CCDC125: variants seen among roughly 807,000 people sequenced by gnomAD.
CCDC125 encodes the protein coiled-coil domain containing 125, also known as coiled-coil domain-containing protein 125.
In CCDC125, 43 loss-of-function variants were observed where a neutral mutation model predicts 57.4. That is an observed-to-expected ratio of 0.75 (90% CI 0.59 to 0.97). The LOEUF (loss-of-function observed/expected upper bound fraction) is 0.97. Among genes scored for constraint, CCDC125 ranks in the 50% least tolerant of loss-of-function variants. CCDC125 has a pLI of 0.00. For synonymous variants in CCDC125, 187 were observed against 195.2 expected (o/e 0.96, Z 0.35); for missense variants, 563 against 595.7 (o/e 0.95, Z 0.57).
At position 69,285,431 on chromosome 5, in the gene CCDC125, T is replaced by G. The variant is rs762914541; in HGVS notation, c.1136A>C (p.Gln379Pro). The G allele has an allele frequency of 1.7e-5, 28 of 1,608,158 alleles. No individual in the cohort carries two copies. The highest frequency in any genetic ancestry group is 6.8e-6 in the Non-Finnish European group (8 of 1,178,236). Reference sequence around the variant, plus strand: ...TGAAGGGAGCATACCCAACAGTCTCTGCCCGAAGGTCTTCTTACTCCTTGG... The same window carrying G: ...TGAAGGGAGCATACCCAACAGTCTCGGCCCGAAGGTCTTCTTACTCCTTGG... ...PSPRSKKTFG[Q>P]RLLGMLPSEN... The change falls in exon 11 of 12, where the codon CAG (glutamine) becomes CCG (proline). Residue 379 changes from glutamine (Q) to proline (P), a missense_variant. Transcript: ENST00000396496.
rs1752487074 is a variant in CCDC125 at position 69,281,662 on chromosome 5, G to A, written c.*1067C>T. 6.6e-6 allele frequency: 1 copy of A among 152,034 alleles called. No homozygotes were observed. The highest frequency in any genetic ancestry group is 2.4e-5 in the African/African-American group (1 of 41,388). The allele number at this position is 152,034 out of a possible 1,614,324, so 9.4% of individuals were successfully genotyped here. The stretch of plus-strand genomic sequence containing the variant: ...AATTGTTATTTCTAAACTTCATATG[G>A]TAAATGAAAAATACTGAACAAGGCA... On this transcript the variant is annotated 3_prime_UTR_variant, in exon 12 of 12. Transcript: ENST00000396496.
the CCDC125 span, among the ~76,000 whole-genome samples, chr5:69,274,477 GTAAA>G: frequency 6.6e-6 from 1 of 152,104 alleles, no homozygotes; most frequent in Non-Finnish European, 1.5e-5. Context: ...TCTACAAAAA[GTAAA>G]TAAATAAAAA....
intron 3 of CCDC125, chr5:69,313,767 C>T: frequency 1.3e-6 from 1 of 786,008 alleles, no homozygotes; most frequent in East Asian, 2.4e-5. Flanking sequence ...CGGAAGAGCA[C>T]CGCCTTCTTG....
chr5:69,315,450 C>CAAAAAA (rs1359288696), intron 2 of CCDC125, among the ~76,000 whole-genome samples: 1 of 4,868 alleles, frequency 2.1e-4, no homozygotes, highest in African/African-American at 4.1e-4. Flanking sequence ...AAAAAAAAAA[C>CAAAAAA]AAAAAAAAAA....
At chr5:69,278,765 A>G (rs1018622976), downstream of CCDC125, among the ~76,000 whole-genome samples, 2 of 145,068 alleles carry the variant, frequency 1.4e-5, no homozygotes, top group African/African-American at 2.6e-5. Flanking sequence ...TAGTAGTGCA[A>G]TCATGGCTCA....
intron 8 of CCDC125, 140 bp downstream of exon 8, chr5:69,299,872 T>G: frequency 1.5e-6 from 1 of 689,306 alleles, no homozygotes; most frequent in Non-Finnish European, 2.6e-6. Flanking sequence ...AGAACCAACC[T>G]GGGCCCAGGG....
intron 2 of CCDC125, 66 bp from the exon 3 acceptor site, chr5:69,314,112 A>T: frequency 3.6e-6 from 4 of 1,101,150 alleles, no homozygotes; most frequent in Non-Finnish European, 5.5e-6. Flanking sequence ...AATTAAACAT[A>T]GGACATTTGT....
chr5:69,311,457 C>G (rs11957698), intron 3 of CCDC125, among the ~76,000 whole-genome samples: 65,291 of 151,758 alleles, frequency 0.43, 14,336 homozygotes, highest in South Asian at 0.49. Flanking sequence ...TCACGACCAG[C>G]CTGGCTAACA....
intron 7 of CCDC125, among the ~76,000 whole-genome samples, chr5:69,303,467 C>T (rs1170680903): frequency 6.2e-5 from 9 of 145,502 alleles, no homozygotes; most frequent in Non-Finnish European, 8.9e-5. Context: ...AGAGTAAAAG[C>T]GATTCACCTG....
rs1759857917 is a variant in CCDC125, at chr5:69,320,502, C to T, written c.39G>A (p.Val13=). The change falls in exon 2 of 12, where the codon GTG becomes GTA. Residue 13 remains valine, a synonymous_variant. Coordinates refer to ENST00000396496, the MANE Select transcript of CCDC125 (RefSeq NM_176816.5). ...KVARSSSESD[V]QLWETEEDDM... is the part of the protein sequence containing the mutation. ...CATCCTCTTCTGTTTCCCAGAGCTG[C>T]ACGTCTGACTCACTTGATGATCTTG... is the stretch of plus-strand genomic sequence containing the variant. 6.2e-7 allele frequency: 1 copy of T among 1,613,544 alleles called. No homozygotes were observed. The highest frequency in any genetic ancestry group is 8.5e-7 in the Non-Finnish European group (1 of 1,179,774).
At position 69,311,223 on chromosome 5, in the gene CCDC125, T is replaced by C. The variant is rs1434409602; in HGVS notation, c.367-19A>G. The C allele has an allele frequency of 2.7e-6, 4 of 1,490,702 alleles. No homozygotes were observed. The South Asian group carries it at 4.6e-5, about 17-fold the overall frequency. The allele number at this position is 1,490,702 out of a possible 1,614,324, so 92.3% of individuals were successfully genotyped here. A position where few individuals can be genotyped will look rare whatever the true frequency, so the allele number is the denominator to read the frequency against. ...CTACCTCCTGAGGACAGAAAGAAAA[T>C]TAGTCTTCCTATCTGCAAGATATGC... On this transcript the variant is annotated intron_variant, in intron 3 of 11. Coordinates refer to ENST00000396496, the MANE Select transcript of CCDC125 (RefSeq NM_176816.5).
At chr5:69,319,244 A>G (rs1250960109) in intron 2 of CCDC125, among the ~76,000 whole-genome samples, 1 of 151,738 alleles carries the variant, frequency 6.6e-6, no homozygotes, top group Non-Finnish European at 1.5e-5. Context: ...TTTATTTTCT[A>G]TCTCCTCTAT....
At chr5:69,291,814 T>C (rs1754509380) in intron 10 of CCDC125, among the ~76,000 whole-genome samples, 1 of 152,250 alleles carries the variant, frequency 6.6e-6, no homozygotes, top group African/African-American at 2.4e-5. Flanking sequence ...TTTAATTAGA[T>C]AGATACATTT....
Position 69,285,891 on chromosome 5 carries a change from G to A in CCDC125, c.1100-424C>T, listed in dbSNP as rs575794064. Reference sequence around the variant, plus strand: ...GCCATGCAAACTCTGCTTCCGAACAGCAAAGACCTGGACTTGAATCCTCAT... The same window carrying A: ...GCCATGCAAACTCTGCTTCCGAACAACAAAGACCTGGACTTGAATCCTCAT... On this transcript the variant is annotated intron_variant, in intron 10 of 11. Coordinates refer to ENST00000396496, the MANE Select transcript of CCDC125 (RefSeq NM_176816.5). 1.4e-3 allele frequency among the ~76,000 whole-genome samples: 210 copies of A among 152,202 alleles called. 2 individuals carry two copies. Among genetic ancestry groups the A allele is most frequent in the Middle Eastern group, 0.014 (4 of 294 alleles).
chr5:69,287,759 G>T (rs906130315), intron 10 of CCDC125, among the ~76,000 whole-genome samples: 1 of 150,782 alleles, frequency 6.6e-6, no homozygotes, highest in African/African-American at 2.4e-5. Context: ...AATAGAGACA[G>T]GGTCTCCCTA....
At chr5:69,314,370 C>G (rs1444604021) in intron 2 of CCDC125, among the ~76,000 whole-genome samples, 1 of 151,542 alleles carries the variant, frequency 6.6e-6, no homozygotes, top group African/African-American at 2.4e-5. Context: ...GAGGCTGAGG[C>G]AGGAGAATCA....
chr5:69,313,211 C>G (rs144416708), intron 3 of CCDC125, among the ~76,000 whole-genome samples: 4 of 152,066 alleles, frequency 2.6e-5, no homozygotes, highest in Non-Finnish European at 5.9e-5. Flanking sequence ...GAGGAAAATC[C>G]AGGGGGTGGG....
At chr5:69,286,994 TAAAAAA>T (rs33957725) in intron 10 of CCDC125, among the ~76,000 whole-genome samples, 1 of 112,774 alleles carries the variant, frequency 8.9e-6, no homozygotes, top group Non-Finnish European at 1.8e-5. Flanking sequence ...GAGTTTAAGA[TAAAAAA>T]AAAAAAAAAA....
At chr5:69,312,903 G>A (rs1276018132) in intron 3 of CCDC125, among the ~76,000 whole-genome samples, 2 of 152,030 alleles carry the variant, frequency 1.3e-5, no homozygotes, top group Admixed American at 6.6e-5. Flanking sequence ...CTGCTTCCAT[G>A]AGTAGCAGTG....
Sources: allele counts gnomAD v4.1 joint callset (sites outside exome capture counted in the v4.1 genomes callset), GRCh38; gene constraint gnomAD v4.1.1; transcripts MANE v1.5; gene names NCBI Gene and HGNC (gene_info 2026-07-23, HGNC 2026-07-21).